Variants in MSN observed in about 807,000 individuals in gnomAD.
The protein encoded by MSN is epididymis luminal protein 70.
Under a neutral mutation model 48.0 loss-of-function variants are expected in MSN, and 2 were observed. The observed-to-expected ratio is 0.04, with a 90% CI of 0.02 to 0.13. The LOEUF (loss-of-function observed/expected upper bound fraction) is 0.13. MSN is among the 10% of genes least tolerant of loss of function. MSN has a pLI of 1.00. For synonymous variants in MSN, 146 were observed against 166.9 expected (o/e 0.87, Z 0.97); for missense variants, 267 against 470.1 (o/e 0.57, Z 3.99).
chrX:65,704,059 G>T (rs1374541346), intron 1 of MSN, among the ~76,000 whole-genome samples: 1 of 111,782 alleles, frequency 8.9e-6, no homozygotes, highest in African/African-American at 3.3e-5. Context: ...TAAGCAGAGG[G>T]AATAGAGCCC....
In MSN at chrX:65,678,295, G is replaced by A. The variant is rs728421; in HGVS notation, c.12+10442G>A. Among the ~76,000 whole-genome samples the A allele has an allele frequency of 3.8e-3, 426 of 111,427 alleles. 3 individuals carry two copies. The highest frequency in any genetic ancestry group is 6.1e-3 in the Non-Finnish European group (325 of 53,064). On this transcript the variant is annotated intron_variant, in intron 1 of 12. Transcript: ENST00000360270. ...TTCTTCTTGTTTAGAGTCCTAATAT[G>A]GGGGAGGAGTGGGGAAGGAGAGAGG...
chrX:65,737,019 G>T, intron 9 of MSN, 94 bp downstream of exon 9: 1 of 1,144,681 alleles, frequency 8.7e-7, no homozygotes, highest in Non-Finnish European at 1.2e-6. Context: ...AGACAATGTA[G>T]TTCAGGTGTG....
At chrX:65,703,158 G>A (rs1423249142) in intron 1 of MSN, among the ~76,000 whole-genome samples, 1 of 111,263 alleles carries the variant, frequency 9.0e-6, no homozygotes, top group Non-Finnish European at 1.9e-5. Context: ...TAGGATATTC[G>A]TCATAATATG....
rs1043972078 is a variant in MSN, at chrX:65,705,572, C to T, written c.13-11246C>T. Among the ~76,000 whole-genome samples, 3 of 112,252 alleles carry T rather than the reference C, an allele frequency of 2.7e-5. No homozygotes were observed. In the East Asian group the frequency reaches 8.3e-4, roughly 31 times the overall value. ...GGTTGAACAAAAGGCCATGCAATTA[C>T]GGCTGGATTAACGAAGAAACTAACT... is the stretch of plus-strand genomic sequence containing the variant. On this transcript the variant is annotated intron_variant, in intron 1 of 12. Coordinates refer to ENST00000360270, the MANE Select transcript of MSN (RefSeq NM_002444.3).
chrX:65,590,232 C>T (rs1444366810), intron 1 of MSN, among the ~76,000 whole-genome samples: 1 of 111,272 alleles, frequency 9.0e-6, no homozygotes, highest in African/African-American at 3.3e-5. Flanking sequence ...GAGGAGTTGG[C>T]TTATTGGGGC....
chrX:65,594,502 G>A (rs976153640), intron 1 of MSN, among the ~76,000 whole-genome samples: 1 of 111,357 alleles, frequency 9.0e-6, no homozygotes, highest in African/African-American at 3.3e-5. Context: ...GGATATTAGG[G>A]TTGAAAGGAC....
intron 4 of MSN, 131 bp downstream of exon 4, chrX:65,729,843 T>C: frequency 1.5e-6 from 1 of 673,300 alleles, no homozygotes; most frequent in Non-Finnish European, 2.2e-6. Context: ...TGTGTTATGC[T>C]GCTCAAGAGA....
chrX:65,702,430 C>T (rs1276639994), intron 1 of MSN, among the ~76,000 whole-genome samples: 1 of 106,200 alleles, frequency 9.4e-6, no homozygotes, highest in African/African-American at 3.4e-5. Context: ...CTTTGGGAGG[C>T]AAAGGCGGTC....
At chrX:65,618,851 G>C (rs888269040) in intron 1 of MSN, among the ~76,000 whole-genome samples, 2 of 111,480 alleles carry the variant, frequency 1.8e-5, no homozygotes, top group African/African-American at 3.3e-5. Context: ...GGTACCGGTT[G>C]TTCCTTTCCA....
intron 1 of MSN, among the ~76,000 whole-genome samples, chrX:65,622,513 T>C (rs978794593): frequency 0.01 from 858 of 81,808 alleles, 13 homozygotes; most frequent in African/African-American, 0.057. Flanking sequence ...CATCTTTGTT[T>C]TTTTTTTTTT....
intron 1 of MSN, among the ~76,000 whole-genome samples, chrX:65,612,853 G>GTT (rs534442652): frequency 1.2e-4 from 10 of 82,747 alleles, no homozygotes; most frequent in African/African-American, 4.9e-4. Flanking sequence ...GAACCATGGT[G>GTT]TTTTTTTTTT....
chrX:65,599,575 G>C (rs2070216632), intron 1 of MSN, among the ~76,000 whole-genome samples: 1 of 112,766 alleles, frequency 8.9e-6, no homozygotes, highest in Non-Finnish European at 1.9e-5. Context: ...GGAGGTTGCA[G>C]TGAGCCGAGA....
intron 1 of MSN, among the ~76,000 whole-genome samples, chrX:65,618,639 G>T (rs1417881475): frequency 2.7e-5 from 3 of 111,370 alleles, no homozygotes; most frequent in South Asian, 3.8e-4. Context: ...ACAGCACACT[G>T]TTGGGTCTTG....
intron 1 of MSN, among the ~76,000 whole-genome samples, chrX:65,631,521 A>G (rs2070558637): frequency 8.9e-6 from 1 of 112,039 alleles, no homozygotes; most frequent in Admixed American, 9.5e-5. Context: ...TTTTTCACTC[A>G]GTATGATTCT....
chrX:65,655,711 T>A (rs1048331761), intron 1 of MSN, among the ~76,000 whole-genome samples: 11 of 112,878 alleles, frequency 9.7e-5, no homozygotes, highest in Admixed American at 1.9e-4. Flanking sequence ...TTCTAATAGG[T>A]CTAATAGATC....
chrX:65,682,946 T>G (rs765778534), intron 1 of MSN, among the ~76,000 whole-genome samples: 121 of 111,647 alleles, frequency 1.1e-3, no homozygotes, highest in African/African-American at 3.0e-3. Flanking sequence ...GAGAGACTGT[T>G]TATCTGTGAG....
At chrX:65,627,876 C>T (rs140400838) in intron 1 of MSN, among the ~76,000 whole-genome samples, 372 of 112,073 alleles carry the variant, frequency 3.3e-3, no homozygotes, top group African/African-American at 0.011. Context: ...TAAATGCAAC[C>T]ATTCCATATA....
chrX:65,625,606 A>G (rs2148362783), intron 1 of MSN: 1 of 111,897 alleles, frequency 8.9e-6, no homozygotes, highest in South Asian at 3.7e-4. Context: ...TACTATTTGC[A>G]TGGAATGCTT....
intron 2 of MSN, among the ~76,000 whole-genome samples, chrX:65,724,336 G>T (rs752348472): frequency 9.0e-6 from 1 of 110,987 alleles, no homozygotes; most frequent in East Asian, 2.8e-4. Flanking sequence ...TAGAGACGGG[G>T]TTTCACCATG....
Sources: allele counts gnomAD v4.1 joint callset (sites outside exome capture counted in the v4.1 genomes callset), GRCh38; gene constraint gnomAD v4.1.1; transcripts MANE v1.5; gene names NCBI Gene and HGNC (gene_info 2026-07-23, HGNC 2026-07-21).